VCL: variants seen among roughly 807,000 people sequenced by gnomAD.
The protein encoded by VCL is epididymis luminal protein 114.
VCL carries 47 observed loss-of-function variants against 125.7 expected under a neutral mutation model. That is an observed-to-expected ratio of 0.37 (90% confidence interval 0.30 to 0.48). The LOEUF (loss-of-function observed/expected upper bound fraction) is 0.48. Ranked by LOEUF, VCL falls within the 20% of genes least tolerant of loss-of-function variation. The pLI, the probability that VCL is intolerant of heterozygous loss-of-function variation, is 0.99. For missense variants in VCL, 1,069 were observed against 1,455.5 expected (o/e 0.73, Z 4.32); for synonymous variants, 458 against 514.6 (o/e 0.89, Z 1.49).
chr10:74,097,466 A>G lies in VCL; in HGVS notation c.1872+134A>G, dbSNP rs1343873174. ...TGAAGGGTGGAAGAGCAGAACAGGGAAAGCCCTACCACCTCTACTTTTAGT... is the reference window on the plus strand; with the variant it reads ...TGAAGGGTGGAAGAGCAGAACAGGGGAAGCCCTACCACCTCTACTTTTAGT... On this transcript the variant is annotated intron_variant, in intron 13 of 21. Coordinates refer to ENST00000211998, the MANE Select transcript of VCL (RefSeq NM_014000.3). This position sits in a 1 kb window ranked among gnomAD's most constrained non-coding sequence, Gnocchi z 4.1. 1.5e-6 allele frequency: 2 copies of G among 1,343,906 alleles called. No individual in the cohort carries two copies. Among genetic ancestry groups the G allele is most frequent in the East Asian group, 4.8e-5 (2 of 41,240 alleles). 83.2% of individuals were successfully genotyped at this position (1,343,906 alleles called of 1,614,324 possible).
At chr10:74,090,327 A>G (rs1839859438) in intron 10 of VCL, 129 bp downstream of exon 10, 2 of 997,160 alleles carry the variant, frequency 2.0e-6, no homozygotes, top group African/African-American at 3.2e-5. Context: ...AAATGCACTT[A>G]TGATGCTCTT....
intron 1 of VCL, among the ~76,000 whole-genome samples, chr10:74,027,143 AG>A (rs1840786709): frequency 6.6e-6 from 1 of 152,198 alleles, no homozygotes; most frequent in South Asian, 2.1e-4. Flanking sequence ...GAGGGCAGTG[AG>A]GGAGAAGATG....
intron 5 of VCL, 32 bp from the exon 6 acceptor site, chr10:74,074,711 C>T: frequency 6.2e-7 from 1 of 1,607,614 alleles, no homozygotes; most frequent in Non-Finnish European, 8.5e-7. Context: ...GATTAAATTC[C>T]AAGCTTACTT....
Position 74,071,104 on chromosome 10 carries a change from A to G in VCL, c.499+21A>G, listed in dbSNP as rs747488087. On this transcript the variant is annotated intron_variant, in intron 4 of 21. Coordinates refer to ENST00000211998, the MANE Select transcript of VCL (RefSeq NM_014000.3). This position sits in a 1 kb window ranked among gnomAD's most constrained non-coding sequence, Gnocchi z 4.1. ...GCCAGGTTAGTTTTATCCAATTTCT[A>G]TAACATTTTTTAAGGATTGTCCATG... The G allele has an allele frequency of 3.1e-6, 5 of 1,609,776 alleles. No individual in the cohort carries two copies. Among genetic ancestry groups the G allele is most frequent in the East Asian group, 2.2e-5 (1 of 44,824 alleles).
chr10:74,101,003 C>T lies in VCL; in HGVS notation c.1928C>T (p.Thr643Met), dbSNP rs150643310. ...FENHSGKLGA[T>M]AEKAAAVGTA... ...AACCATTCAGGAAAGCTTGGTGCTA[C>T]GGCCGAGAAGGCGGCTGCGGTTGGT... Residue 643 changes from threonine to methionine, a missense_variant, in exon 14 of 22, where the codon ACG (threonine) becomes ATG (methionine). Thr to Met is a moderately conservative substitution (Grantham distance 81, BLOSUM62 -1). This residue lies in a region of VCL where 760 missense variants were observed against 928.9 expected (regional missense o/e 0.82). Transcript: ENST00000211998. The T allele has an allele frequency of 4.8e-5, 77 of 1,613,910 alleles. No individual in the cohort carries two copies. Among genetic ancestry groups the T allele is most frequent in the Non-Finnish European group, 5.6e-5 (66 of 1,179,984 alleles).
intron 2 of VCL, among the ~76,000 whole-genome samples, chr10:74,062,474 G>GT (rs935593055): frequency 6.6e-6 from 1 of 151,372 alleles, no homozygotes; most frequent in Non-Finnish European, 1.5e-5. Context: ...CCAGACCATG[G>GT]TATTAGGCAC....
At chr10:74,051,850 G>A (rs774973398) in intron 2 of VCL, among the ~76,000 whole-genome samples, 6 of 152,190 alleles carry the variant, frequency 3.9e-5, no homozygotes, top group Admixed American at 1.3e-4. Flanking sequence ...GAATTCAAGA[G>A]CTAGCCAGTG....
At chr10:74,023,447 A>G (rs1840711327) in intron 1 of VCL, among the ~76,000 whole-genome samples, 1 of 152,254 alleles carries the variant, frequency 6.6e-6, no homozygotes, top group Non-Finnish European at 1.5e-5. Flanking sequence ...CTCAGAATAT[A>G]TCCCTGTCAT....
At chr10:74,032,718 A>G (rs532347240) in intron 1 of VCL, among the ~76,000 whole-genome samples, 2 of 150,062 alleles carry the variant, frequency 1.3e-5, no homozygotes, top group African/African-American at 2.4e-5. Context: ...AAATATATAT[A>G]TATATATATA....
At chr10:73,999,114 C>T (rs1255700536) in intron 1 of VCL, among the ~76,000 whole-genome samples, 1 of 152,226 alleles carries the variant, frequency 6.6e-6, no homozygotes, top group Non-Finnish European at 1.5e-5. Context: ...CTTTCATTCC[C>T]TCCTGTGGAC....
chr10:74,074,650 C>A, intron 5 of VCL, 93 bp from the exon 6 acceptor site: 1 of 1,469,654 alleles, frequency 6.8e-7, no homozygotes. Flanking sequence ...TCTTAAAAGC[C>A]CAAAACATCT....
intron 1 of VCL, among the ~76,000 whole-genome samples, chr10:74,014,923 A>G (rs1053530337): frequency 9.9e-5 from 15 of 151,884 alleles, no homozygotes; most frequent in African/African-American, 2.9e-4. Flanking sequence ...TCCTGGGCTC[A>G]AGCGATTCTC....
chr10:74,044,179 T>G (rs1045852723), intron 2 of VCL, among the ~76,000 whole-genome samples: 7 of 152,170 alleles, frequency 4.6e-5, no homozygotes, highest in African/African-American at 1.7e-4. Flanking sequence ...ATATATCTCC[T>G]AGTATTCCTA....
intron 2 of VCL, among the ~76,000 whole-genome samples, chr10:74,065,152 T>C (rs1342785929): frequency 2.0e-5 from 3 of 151,696 alleles, no homozygotes; most frequent in Admixed American, 6.6e-5. Context: ...TTTTTTTTTT[T>C]TTCAGACTGA....
At chr10:74,005,129 C>T (rs892017565) in intron 1 of VCL, 4 of 152,024 alleles carry the variant, frequency 2.6e-5, no homozygotes, top group African/African-American at 7.2e-5. Context: ...AGAATGAAAT[C>T]GTATGTAAAA....
At chr10:74,025,523 A>G (rs1840754698) in intron 1 of VCL, among the ~76,000 whole-genome samples, 1 of 150,372 alleles carries the variant, frequency 6.7e-6, no homozygotes, top group Non-Finnish European at 1.5e-5. Context: ...CTGAAGTGGG[A>G]GGATTGATTG....
rs747424067 is a variant in VCL, at chr10:74,101,076, G to T, written c.2001G>T (p.Thr667=). 1 of 1,613,364 alleles carries T rather than the reference G, an allele frequency of 6.2e-7. No individual in the cohort carries two copies. Among genetic ancestry groups the T allele is most frequent in the Non-Finnish European group, 8.5e-7 (1 of 1,179,686 alleles). ...AAGGCATTCAGGCCTCAGTGAAGAC[G>T]GCCCGAGAACTCACACCCCAGGTTG... The part of the protein sequence containing the change: ...TVEGIQASVK[T]ARELTPQVVS... The change falls in exon 14 of 22, where the codon ACG becomes ACT. Residue 667 remains threonine (T), a synonymous_variant. Transcript: ENST00000211998.
chr10:74,007,639 G>A (rs1222131515), intron 1 of VCL, among the ~76,000 whole-genome samples: 1 of 151,816 alleles, frequency 6.6e-6, no homozygotes, highest in East Asian at 1.9e-4. Flanking sequence ...GGGATTACAG[G>A]CACGTGCCAC....
rs1165538561 is a variant in VCL, at chr10:74,114,166, A to G, written c.2950-18A>G. 7 of 1,612,308 alleles carry G rather than the reference A, an allele frequency of 4.3e-6. No homozygotes were observed. The South Asian group carries it at 7.7e-5, about 18-fold the overall frequency. On this transcript the variant is annotated intron_variant, in intron 19 of 21. Transcript: ENST00000211998. ...AGAGCGTGGGCAGAGCTCACACTGT[A>G]TCTTTGCTTCCCTCTAGGGCAATGA...
Sources: gnomAD v4.1 joint callset for allele counts (sites outside exome capture counted in the v4.1 genomes callset) on GRCh38, gnomAD v4.1.1 for gene constraint, gnomAD v4.1.1 regional missense constraint, Gnocchi (gnomAD v3.1) non-coding constraint, MANE v1.5 for transcripts, NCBI Gene and HGNC (gene_info 2026-07-23, HGNC 2026-07-21) for gene names.